ZBTB43: variants seen among roughly 807,000 people sequenced by gnomAD.
ZBTB43 encodes the protein zinc finger and BTB domain containing 43.
A neutral mutation model predicts 31.1 loss-of-function variants in ZBTB43; 6 were observed. The observed-to-expected ratio is 0.19, with a 90% CI of 0.11 to 0.38. The LOEUF is 0.38. Among genes scored for constraint, ZBTB43 ranks in the 10% least tolerant of loss-of-function variants. The pLI, the probability that ZBTB43 is intolerant of heterozygous loss-of-function variation, is 1.00. For missense variants in ZBTB43, 379 were observed against 602.1 expected, an observed-to-expected ratio of 0.63 and a Z score of 3.88; for synonymous variants, 212 against 221.7, an observed-to-expected ratio of 0.96 and a Z score of 0.39.
At chr9:126,805,719 C>G (rs771668657) in intron 1 of ZBTB43, among the ~76,000 whole-genome samples, 1 of 152,232 alleles carries the variant, frequency 6.6e-6, no homozygotes, top group Non-Finnish European at 1.5e-5. Flanking sequence ...CTGTCTCCAC[C>G]TTGCTTCTGT....
intron 2 of ZBTB43, among the ~76,000 whole-genome samples, chr9:126,825,512 T>C (rs1240076037): frequency 6.6e-6 from 1 of 152,172 alleles, no homozygotes. Flanking sequence ...GGTTCTTCTG[T>C]GGCCTTCTTC....
At chr9:126,807,405 A>G (rs1258853163) in intron 1 of ZBTB43, among the ~76,000 whole-genome samples, 2 of 152,182 alleles carry the variant, frequency 1.3e-5, no homozygotes, top group African/African-American at 2.4e-5. Flanking sequence ...GCACTTTTCA[A>G]TTCAGAGTGT....
At chr9:126,827,498 A>C (rs1046512360) in intron 2 of ZBTB43, among the ~76,000 whole-genome samples, 4 of 152,088 alleles carry the variant, frequency 2.6e-5, no homozygotes, top group Admixed American at 2.6e-4. Context: ...TCTGAGCTTC[A>C]GCAGCCTCCC....
At chr9:126,826,382 A>G (rs903263789) in intron 2 of ZBTB43, among the ~76,000 whole-genome samples, 6 of 148,864 alleles carry the variant, frequency 4.0e-5, no homozygotes, top group Admixed American at 3.4e-4. Context: ...CCTGACCTCA[A>G]GTGATCCACC....
chr9:126,818,572 G>A (rs1455795105), intron 2 of ZBTB43, among the ~76,000 whole-genome samples: 4 of 152,116 alleles, frequency 2.6e-5, no homozygotes, highest in Non-Finnish European at 5.9e-5. Context: ...ATGAAAGGGT[G>A]CTGAATTTTG....
chr9:126,833,096 C>G lies in ZBTB43; in HGVS notation c.587C>G (p.Pro196Arg). The G allele has an allele frequency of 6.2e-7, 1 of 1,614,044 alleles. No individual in the cohort carries two copies. The highest frequency in any genetic ancestry group is 8.5e-7 in the Non-Finnish European group (1 of 1,180,022). The change falls in exon 3 of 3, where the codon CCC becomes CGC. Residue 196 changes from proline (P) to arginine (R), a missense_variant. Transcript: ENST00000373464. The surrounding 1 kb of genome is among the most constrained non-coding windows in gnomAD (Gnocchi z 7.9). ...CAGCTCACCGAGCACGAATACCTGC[C>G]CAGCAACTCGTCCACAGAGCATGAC... is the stretch of plus-strand genomic sequence containing the variant. ...SSQLTEHEYLPSNSSTEHDRL... is the reference protein window; with the variant it reads ...SSQLTEHEYLRSNSSTEHDRL...
intron 2 of ZBTB43, chr9:126,832,093 C>A: frequency 5.9e-6 from 1 of 170,806 alleles, no homozygotes. Context: ...TGCCACTGCA[C>A]TCCAGCCTGG....
intron 2 of ZBTB43, among the ~76,000 whole-genome samples, chr9:126,814,510 T>C (rs2032330272): frequency 6.6e-6 from 1 of 151,942 alleles, no homozygotes; most frequent in Non-Finnish European, 1.5e-5. Flanking sequence ...AAAAGTATTT[T>C]GGGCCGGGCG....
At chr9:126,812,749 CA>C (rs2032277590) in intron 2 of ZBTB43, among the ~76,000 whole-genome samples, 1 of 152,110 alleles carries the variant, frequency 6.6e-6, no homozygotes, top group Non-Finnish European at 1.5e-5. Context: ...ATCTGTTTTT[CA>C]GTTGGGTTAT....
intron 2 of ZBTB43, among the ~76,000 whole-genome samples, chr9:126,818,119 C>CT (rs573239954): frequency 0.016 from 2,190 of 133,312 alleles, 25 homozygotes; most frequent in African/African-American, 0.036. Flanking sequence ...TTTTCTTTTT[C>CT]TTTTTTTTTT....
chr9:126,812,104 A>G lies in ZBTB43; in HGVS notation c.-24+3189A>G, dbSNP rs569938141. ...CCATTTCTTCTACCTGTAGCCACGA[A>G]TCTACTTTCTGTCTCTATGGATTTG... On this transcript the variant is annotated intron_variant, in intron 2 of 2. Transcript: ENST00000373464. Among the ~76,000 whole-genome samples the G allele has an allele frequency of 1.7e-4, 26 of 152,236 alleles. 1 individual carries two copies. Among genetic ancestry groups the G allele is most frequent in the African/African-American group, 6.3e-4 (26 of 41,538 alleles).
At chr9:126,825,842 A>ATTTTTTTTTTT (rs72512629) in intron 2 of ZBTB43, among the ~76,000 whole-genome samples, 2 of 91,206 alleles carry the variant, frequency 2.2e-5, no homozygotes, top group African/African-American at 7.6e-5. Flanking sequence ...TCCTTTTTAT[A>ATTTTTTTTTTT]TTTTTTTTTT....
At position 126,811,231 on chromosome 9, in the gene ZBTB43, AAAAG is replaced by A. The variant is rs1325429928; in HGVS notation, c.-24+2319_-24+2322del. Among the ~76,000 whole-genome samples the A allele has an allele frequency of 4.2e-3, 631 of 150,244 alleles. 1 individual carries two copies. Among genetic ancestry groups the A allele is most frequent in the Non-Finnish European group, 7.3e-3 (496 of 67,956 alleles). ...AGACTCCATCTCAAAAAAAAAAAAA[AAAAG>A]AAGAAAAAATTATATTCACCTTTTC... is the stretch of plus-strand genomic sequence containing the variant. On this transcript the variant is annotated intron_variant, in intron 2 of 2. Coordinates refer to ENST00000373464, the MANE Select transcript of ZBTB43 (RefSeq NM_014007.4).
intron 2 of ZBTB43, chr9:126,831,958 C>CAA (rs34040959): frequency 3.8e-4 from 43 of 111,818 alleles, no homozygotes; most frequent in Non-Finnish European, 4.8e-4. Flanking sequence ...AACTCTATCT[C>CAA]AAAAAAAAAA....
At chr9:126,823,499 C>T (rs1043746231) in intron 2 of ZBTB43, among the ~76,000 whole-genome samples, 4 of 152,086 alleles carry the variant, frequency 2.6e-5, no homozygotes, top group Non-Finnish European at 5.9e-5. Context: ...GTCGTTATAT[C>T]TAAAGTGAGT....
intron 2 of ZBTB43, among the ~76,000 whole-genome samples, chr9:126,812,272 C>T (rs980212382): frequency 2.3e-4 from 35 of 152,116 alleles, no homozygotes; most frequent in Non-Finnish European, 4.4e-4. Context: ...TGCCAAACAT[C>T]CTATTCTAAG....
chr9:126,810,134 C>A (rs1488987588), intron 2 of ZBTB43, among the ~76,000 whole-genome samples: 1 of 151,928 alleles, frequency 6.6e-6, no homozygotes, highest in Non-Finnish European at 1.5e-5. Flanking sequence ...CGCGCCCGGC[C>A]CACTAACTGC....
chr9:126,816,017 A>G (rs2032377676), intron 2 of ZBTB43, among the ~76,000 whole-genome samples: 2 of 152,174 alleles, frequency 1.3e-5, no homozygotes, highest in Non-Finnish European at 2.9e-5. Flanking sequence ...CAGGACCAGA[A>G]CTGCATTTTG....
chr9:126,817,537 G>T (rs923607111), intron 2 of ZBTB43, among the ~76,000 whole-genome samples: 1 of 150,838 alleles, frequency 6.6e-6, no homozygotes, highest in African/African-American at 2.4e-5. Context: ...GTGCAGTGGC[G>T]TGATTGCGGC....
Sources: allele counts gnomAD v4.1 joint callset (sites outside exome capture counted in the v4.1 genomes callset), GRCh38; gene constraint gnomAD v4.1.1; non-coding constraint Gnocchi (gnomAD v3.1); transcripts MANE v1.5; gene names NCBI Gene and HGNC (gene_info 2026-07-23, HGNC 2026-07-21).